Variants in RBFOX1 observed in about 807,000 individuals in gnomAD.
The protein encoded by RBFOX1 is RNA binding fox-1 homolog 1.
RBFOX1 carries 8 observed loss-of-function variants against 57.7 expected under a neutral mutation model. That is an observed-to-expected ratio of 0.14 (90% CI 0.08 to 0.25). The LOEUF (loss-of-function observed/expected upper bound fraction) is 0.25. RBFOX1 is among the 10% of genes least tolerant of loss of function. The pLI is 1.00. For synonymous variants in RBFOX1, 326 were observed against 222.4 expected, an observed-to-expected ratio of 1.47 and a Z score of -4.15; for missense variants, 611 against 548.5, an observed-to-expected ratio of 1.11 and a Z score of -1.14.
At chr16:6,761,521 T>TTTTTC (rs1460716431) in intron 3 of RBFOX1, among the ~76,000 whole-genome samples, 1 of 135,446 alleles carries the variant, frequency 7.4e-6, no homozygotes, top group South Asian at 2.7e-4. Flanking sequence ...TTTTTTTTTT[T>TTTTTC]TTTTGAGACA....
intron 2 of RBFOX1, among the ~76,000 whole-genome samples, chr16:5,486,375 G>C (rs552257889): frequency 6.6e-6 from 1 of 152,340 alleles, no homozygotes; most frequent in East Asian, 1.9e-4. Context: ...TTCTGAGCAA[G>C]AGGAGAGGAG....
chr16:6,363,129 C>A (rs2088903868), intron 2 of RBFOX1, among the ~76,000 whole-genome samples: 1 of 152,174 alleles, frequency 6.6e-6, no homozygotes, highest in Non-Finnish European at 1.5e-5. Flanking sequence ...TTGTCTCTGC[C>A]TCATTAAGTA....
At chr16:7,004,109 A>G (rs1269722288) in intron 3 of RBFOX1, 3 of 151,744 alleles carry the variant, frequency 2.0e-5, no homozygotes, top group South Asian at 2.1e-4. Flanking sequence ...GCCAATGTGG[A>G]CACTAGAAAT....
intron 4 of RBFOX1, among the ~76,000 whole-genome samples, chr16:7,272,715 G>T (rs2095348972): frequency 6.6e-6 from 1 of 152,050 alleles, no homozygotes; most frequent in Non-Finnish European, 1.5e-5. Context: ...GAGGAAGGGA[G>T]GAAACAGACG....
At chr16:6,641,738 A>C (rs1384306350) in intron 2 of RBFOX1, among the ~76,000 whole-genome samples, 1 of 26,064 alleles carries the variant, frequency 3.8e-5, no homozygotes, top group Non-Finnish European at 7.0e-5. Flanking sequence ...CCGTCTCAAA[A>C]AAAAAAAAAA....
chr16:5,599,300 T>A (rs149785261), exon 3 of RBFOX1: 1 of 626,388 alleles, frequency 1.6e-6, no homozygotes, highest in East Asian at 2.7e-5. Flanking sequence ...CCCCAGGTTG[T>A]GGGAGCACGT....
chr16:5,255,900 C>G (rs2062580518), intron 1 of RBFOX1, among the ~76,000 whole-genome samples: 1 of 151,840 alleles, frequency 6.6e-6, no homozygotes, highest in Non-Finnish European at 1.5e-5. Context: ...AGAAACTGTG[C>G]TTTGATTTTC....
chr16:6,998,056 G>A (rs1290857032), intron 3 of RBFOX1, among the ~76,000 whole-genome samples: 3 of 151,930 alleles, frequency 2.0e-5, no homozygotes, highest in Non-Finnish European at 4.4e-5. Context: ...AGGAAATGCT[G>A]AGATTTAGAA....
chr16:5,790,021 C>T (rs1567545023), intron 3 of RBFOX1, among the ~76,000 whole-genome samples: 1 of 152,196 alleles, frequency 6.6e-6, no homozygotes, highest in Admixed American at 6.5e-5. Flanking sequence ...TGATGTGTGA[C>T]CATGACTGTG....
intron 3 of RBFOX1, among the ~76,000 whole-genome samples, chr16:5,775,327 A>C (rs1004514822): frequency 2.6e-5 from 4 of 151,824 alleles, no homozygotes; most frequent in African/African-American, 9.7e-5. Context: ...CTTCCCTTCA[A>C]GTTTTCTGGG....
chr16:6,831,718 C>G (rs1442564050), intron 3 of RBFOX1, among the ~76,000 whole-genome samples: 1 of 152,152 alleles, frequency 6.6e-6, no homozygotes, highest in Non-Finnish European at 1.5e-5. Context: ...CTTCCTCCAT[C>G]TCTTGGGTTT....
intron 11 of RBFOX1, among the ~76,000 whole-genome samples, chr16:7,645,821 C>T (rs2143945015): frequency 6.6e-6 from 1 of 152,220 alleles, no homozygotes; most frequent in East Asian, 1.9e-4. Flanking sequence ...GGGTCAATCC[C>T]AAATGTGTGT....
chr16:5,704,120 G>A (rs574963330), intron 3 of RBFOX1, among the ~76,000 whole-genome samples: 14 of 152,172 alleles, frequency 9.2e-5, no homozygotes, highest in African/African-American at 3.4e-4. Context: ...GAAGACTTGG[G>A]GCACATCCAC....
intron 4 of RBFOX1, among the ~76,000 whole-genome samples, chr16:7,064,902 G>C (rs2055567660): frequency 6.6e-6 from 1 of 152,300 alleles, no homozygotes; most frequent in East Asian, 1.9e-4. Context: ...TACTCCCTCT[G>C]TATGTGCATT....
intron 4 of RBFOX1, among the ~76,000 whole-genome samples, chr16:7,205,646 A>G (rs2089801413): frequency 6.6e-6 from 1 of 152,284 alleles, no homozygotes; most frequent in Non-Finnish European, 1.5e-5. Flanking sequence ...CATTTTAGAA[A>G]CCAAAATTCC....
At chr16:6,107,374 CT>C (rs1261441524) in intron 1 of RBFOX1, among the ~76,000 whole-genome samples, 1 of 152,086 alleles carries the variant, frequency 6.6e-6, no homozygotes, top group Non-Finnish European at 1.5e-5. Context: ...GAGATAACCT[CT>C]TTCTTATCCA....
intron 2 of RBFOX1, among the ~76,000 whole-genome samples, chr16:6,640,253 T>C (rs190565462): frequency 3.5e-4 from 54 of 152,322 alleles, no homozygotes; most frequent in Admixed American, 3.2e-3. Context: ...TTGCCACATT[T>C]CCTCAAGAAG....
At chr16:6,362,937 G>T (rs1031012707) in intron 2 of RBFOX1, among the ~76,000 whole-genome samples, 2 of 152,166 alleles carry the variant, frequency 1.3e-5, no homozygotes, top group Non-Finnish European at 2.9e-5. Context: ...TGTGATACAT[G>T]AGCAAGGCTA....
At chr16:6,431,345 C>T (rs938836470) in intron 2 of RBFOX1, among the ~76,000 whole-genome samples, 7 of 151,536 alleles carry the variant, frequency 4.6e-5, no homozygotes, top group Admixed American at 4.6e-4. Flanking sequence ...TGGATGGCAA[C>T]AGAGGAAATA....
Sources: allele counts gnomAD v4.1 joint callset (sites outside exome capture counted in the v4.1 genomes callset), GRCh38; gene constraint gnomAD v4.1.1; transcripts MANE v1.5; gene names NCBI Gene and HGNC (gene_info 2026-07-23, HGNC 2026-07-21).